KCNAB1: variants seen among roughly 807,000 people sequenced by gnomAD.
KCNAB1 encodes voltage-gated potassium channel subunit beta-1.
Under a neutral mutation model 64.6 loss-of-function variants are expected in KCNAB1, and 35 were observed. The ratio of observed to expected loss-of-function variants is 0.54; its 90% CI spans 0.41 to 0.72. KCNAB1 has a LOEUF of 0.72. KCNAB1 is among the 30% of genes least tolerant of loss of function. KCNAB1 has a pLI of 0.00. For synonymous variants in KCNAB1, 177 were observed against 183.8 expected (o/e 0.96, Z 0.30); for missense variants, 401 against 512.9 (o/e 0.78, Z 2.11).
intron 1 of KCNAB1, among the ~76,000 whole-genome samples, chr3:156,395,115 T>C (rs1713327581): frequency 6.6e-6 from 1 of 152,106 alleles, no homozygotes. Context: ...ATCCCAAGAG[T>C]GTTGTGATCG....
At chr3:156,501,133 A>G (rs1337907963) in intron 8 of KCNAB1, among the ~76,000 whole-genome samples, 1 of 152,230 alleles carries the variant, frequency 6.6e-6, no homozygotes, top group Non-Finnish European at 1.5e-5. Flanking sequence ...AACATTAATA[A>G]TGCATGAGAT....
At chr3:156,231,075 C>T (rs1364833626) in intron 1 of KCNAB1, among the ~76,000 whole-genome samples, 2 of 152,148 alleles carry the variant, frequency 1.3e-5, no homozygotes, top group Non-Finnish European at 2.9e-5. Context: ...CAGGTGTACC[C>T]TTTCCATCCT....
At chr3:156,223,806 G>A (rs1481534653) in intron 1 of KCNAB1, among the ~76,000 whole-genome samples, 3 of 152,324 alleles carry the variant, frequency 2.0e-5, no homozygotes, top group African/African-American at 4.8e-5. Context: ...AGACATAAAG[G>A]TTCTCCAAGT....
intron 2 of KCNAB1, among the ~76,000 whole-genome samples, chr3:156,444,280 G>A (rs1374625456): frequency 1.3e-5 from 2 of 152,188 alleles, no homozygotes; most frequent in South Asian, 2.1e-4. Flanking sequence ...CAAATCACAT[G>A]GGATGCTTGA....
intron 13 of KCNAB1, 98 bp downstream of exon 13, chr3:156,531,595 G>A: frequency 1.1e-6 from 1 of 917,030 alleles, no homozygotes; most frequent in Non-Finnish European, 1.8e-6. Flanking sequence ...TGTCCTGGGT[G>A]GGGCAAGAGT....
At chr3:156,218,795 A>ATAAT (rs1462711602) in intron 1 of KCNAB1, among the ~76,000 whole-genome samples, 4 of 73,442 alleles carry the variant, frequency 5.4e-5, no homozygotes, top group African/African-American at 1.3e-4. Flanking sequence ...GCAAAAAAAA[A>ATAAT]AAAAAAAATA....
At chr3:156,389,781 G>A (rs566584728) in intron 1 of KCNAB1, among the ~76,000 whole-genome samples, 2 of 152,312 alleles carry the variant, frequency 1.3e-5, no homozygotes, top group South Asian at 4.1e-4. Context: ...ATGCACTTGG[G>A]GAAATGGTTA....
intron 1 of KCNAB1, among the ~76,000 whole-genome samples, chr3:156,344,278 G>A (rs943946443): frequency 6.6e-6 from 1 of 152,192 alleles, no homozygotes; most frequent in African/African-American, 2.4e-5. Flanking sequence ...CTAAGGAAAA[G>A]GGGAGAAATT....
chr3:156,478,466 T>A (rs1714542677), intron 8 of KCNAB1, among the ~76,000 whole-genome samples: 1 of 152,124 alleles, frequency 6.6e-6, no homozygotes, highest in Non-Finnish European at 1.5e-5. Context: ...GACGTAGCAC[T>A]TTCAAATGAG....
rs552884415 is a variant in KCNAB1, at chr3:156,292,029, G to T, written c.276-129587G>T. ...GTGAACGCAGCCCGGGCCAAATTCC[G>T]CACGGTCGCTATCATCGCGCGCAGC... On this transcript the variant is annotated intron_variant, in intron 1 of 13. Coordinates refer to ENST00000490337, the MANE Select transcript of KCNAB1 (RefSeq NM_172160.3). 27 of 1,614,146 alleles carry T rather than the reference G, an allele frequency of 1.7e-5. 1 individual carries two copies. The Admixed American group carries it at 2.7e-4, about 16-fold the overall frequency.
At chr3:156,335,228 A>G (rs1390026509) in intron 1 of KCNAB1, among the ~76,000 whole-genome samples, 1 of 152,062 alleles carries the variant, frequency 6.6e-6, no homozygotes, top group African/African-American at 2.4e-5. Flanking sequence ...ATTTTGCCTT[A>G]TTTTTTAGTC....
At chr3:156,221,728 A>G (rs1715751779) in intron 1 of KCNAB1, among the ~76,000 whole-genome samples, 1 of 151,732 alleles carries the variant, frequency 6.6e-6, no homozygotes, top group African/African-American at 2.4e-5. Context: ...CAGTGAGCTG[A>G]GATCATGACA....
At chr3:156,190,475 C>T (rs1713493170) in intron 1 of KCNAB1, among the ~76,000 whole-genome samples, 2 of 152,004 alleles carry the variant, frequency 1.3e-5, no homozygotes, top group Non-Finnish European at 2.9e-5. Context: ...TAGTCAGTCA[C>T]TTATAAAGTA....
At chr3:156,372,938 A>T (rs1378684782) in intron 1 of KCNAB1, among the ~76,000 whole-genome samples, 1 of 152,228 alleles carries the variant, frequency 6.6e-6, no homozygotes, top group African/African-American at 2.4e-5. Flanking sequence ...GACTTTGGCT[A>T]TTGGAGGACT....
At chr3:156,193,615 A>G (rs911250334) in intron 1 of KCNAB1, among the ~76,000 whole-genome samples, 9 of 152,148 alleles carry the variant, frequency 5.9e-5, no homozygotes, top group African/African-American at 2.2e-4. Context: ...TGCATCTTAC[A>G]TGGTGGCAGA....
At chr3:156,524,600 AGCCGG>A (rs1310737166) in intron 12 of KCNAB1, among the ~76,000 whole-genome samples, 3 of 151,928 alleles carry the variant, frequency 2.0e-5, no homozygotes, top group African/African-American at 7.3e-5. Context: ...ACCAAAAATT[AGCCGG>A]GCGTGGTGGT....
chr3:156,511,221 A>G (rs1717185971), intron 8 of KCNAB1, among the ~76,000 whole-genome samples: 1 of 151,854 alleles, frequency 6.6e-6, no homozygotes, highest in Non-Finnish European at 1.5e-5. Context: ...CTCTTGCCTC[A>G]GCCTCCCGAG....
At chr3:156,202,802 G>A (rs1443163396) in intron 1 of KCNAB1, among the ~76,000 whole-genome samples, 1 of 152,020 alleles carries the variant, frequency 6.6e-6, no homozygotes, top group Non-Finnish European at 1.5e-5. Context: ...AAAAAATTCT[G>A]AATAAATAAT....
intron 1 of KCNAB1, among the ~76,000 whole-genome samples, chr3:156,144,098 T>C (rs994754636): frequency 3.9e-5 from 6 of 152,160 alleles, no homozygotes; most frequent in Non-Finnish European, 7.4e-5. Context: ...GAAGAATCTT[T>C]CCTATTCAGA....
Sources: gnomAD v4.1 joint callset for allele counts (sites outside exome capture counted in the v4.1 genomes callset) on GRCh38, gnomAD v4.1.1 for gene constraint, MANE v1.5 for transcripts, NCBI Gene and HGNC (gene_info 2026-07-23, HGNC 2026-07-21) for gene names.